Variants in PHLDB2 observed in about 807,000 individuals in gnomAD.
PHLDB2 encodes pleckstrin homology like domain family B member 2, also known as pleckstrin homology-like domain family B member 2.
A neutral mutation model predicts 123.6 loss-of-function variants in PHLDB2; 71 were observed. The ratio of observed to expected loss-of-function variants is 0.57; its 90% CI spans 0.47 to 0.70. The LOEUF (loss-of-function observed/expected upper bound fraction) is 0.70, where lower values mean the gene tolerates loss of function less well. Among genes scored for constraint, PHLDB2 ranks in the 30% least tolerant of loss-of-function variants. The pLI is 0.00. For missense variants in PHLDB2, 1,446 were observed against 1,519.5 expected (o/e 0.95, Z 0.80); for synonymous variants, 547 against 541.6 (o/e 1.01, Z -0.14).
intron 10 of PHLDB2, among the ~76,000 whole-genome samples, chr3:111,951,034 C>T (rs1009255863): frequency 6.6e-6 from 1 of 152,024 alleles, no homozygotes; most frequent in Non-Finnish European, 1.5e-5. Context: ...ATTGGGGTTT[C>T]TTTTCTATTT....
At chr3:111,839,940 CTTTTTTT>C (rs3082317) in intron 1 of PHLDB2, among the ~76,000 whole-genome samples, 3 of 64,940 alleles carry the variant, frequency 4.6e-5, no homozygotes, top group Admixed American at 2.7e-4. Flanking sequence ...CCCACCCCCG[CTTTTTTT>C]TTTTTTTTTT....
rs1365130102 is a variant in PHLDB2 at position 111,967,799 on chromosome 3, A to G, written c.3290A>G (p.Lys1097Arg). The change falls in exon 15 of 18, where the codon AAA becomes AGA. Residue 1097 changes from lysine (K) to arginine (R), a missense_variant. Lys to Arg is a conservative substitution (Grantham distance 26, BLOSUM62 2). Around this residue, in one of 3 missense-constraint regions of PHLDB2, gnomAD observed 594 missense variants for 646.0 expected, o/e 0.92. Coordinates refer to ENST00000431670, the MANE Select transcript of PHLDB2 (RefSeq NM_001134438.2). ...CAGAAGTTAATAGAAAAGGAAGTAAAAATAAGGGAGAGACAAAGGGCACAG... is the reference window on the plus strand; with the variant it reads ...CAGAAGTTAATAGAAAAGGAAGTAAGAATAAGGGAGAGACAAAGGGCACAG... ...QRQKLIEKEVKIRERQRAQAR... is the reference protein window; with the variant it reads ...QRQKLIEKEVRIRERQRAQAR... 3 of 1,611,238 alleles carry G rather than the reference A, an allele frequency of 1.9e-6. No homozygotes were observed. Among genetic ancestry groups the G allele is most frequent in the African/African-American group, 1.3e-5 (1 of 74,544 alleles).
chr3:111,961,596 A>G (rs1011822465), intron 12 of PHLDB2, among the ~76,000 whole-genome samples: 2 of 152,220 alleles, frequency 1.3e-5, no homozygotes, highest in Non-Finnish European at 2.9e-5. Context: ...TAACAAGATT[A>G]AAAGTGTCAG....
chr3:111,848,820 A>G (rs1056863620), intron 2 of PHLDB2, among the ~76,000 whole-genome samples: 1 of 152,220 alleles, frequency 6.6e-6, no homozygotes, highest in Non-Finnish European at 1.5e-5. Flanking sequence ...AATATTTACC[A>G]TTATATTACA....
At chr3:111,816,727 A>T (rs2108370580) in intron 1 of PHLDB2, among the ~76,000 whole-genome samples, 1 of 152,128 alleles carries the variant, frequency 6.6e-6, no homozygotes, top group Non-Finnish European at 1.5e-5. Flanking sequence ...ACTTTGGGGG[A>T]CTGTTGGGAA....
intron 2 of PHLDB2, among the ~76,000 whole-genome samples, chr3:111,846,866 A>C (rs1454178484): frequency 6.6e-6 from 1 of 152,196 alleles, no homozygotes; most frequent in Non-Finnish European, 1.5e-5. Context: ...AATAAAACAG[A>C]AACATTGCAA....
At position 111,884,370 on chromosome 3, in the gene PHLDB2, G is replaced by A. The variant is rs370080216; in HGVS notation, c.293G>A (p.Gly98Glu). The A allele has an allele frequency of 1.2e-5, 20 of 1,613,952 alleles. No individual in the cohort carries two copies. Among genetic ancestry groups the A allele is most frequent in the Non-Finnish European group, 1.7e-5 (20 of 1,180,010 alleles). ...IQGSKQFSYD[G>E]TDKNIPMKPP... ...GGAAGCAAGCAGTTCTCTTATGATG[G>A]AACTGACAAAAATATTCCTATGAAA... The change falls in exon 2 of 18, where the codon GGA (glycine) becomes GAA (glutamate). Residue 98 changes from glycine (G) to glutamate (E), a missense_variant. By Grantham distance (98) the Gly-to-Glu change is moderately conservative (BLOSUM62 -2). Around this residue, in one of 3 missense-constraint regions of PHLDB2, gnomAD observed 832 missense variants for 831.9 expected, o/e 1.00. Transcript: ENST00000431670.
chr3:111,862,042 A>G (rs911251641), intron 1 of PHLDB2, among the ~76,000 whole-genome samples: 5 of 152,236 alleles, frequency 3.3e-5, no homozygotes, highest in African/African-American at 7.2e-5. Flanking sequence ...GGATTTTGCC[A>G]TGTTGGTCAG....
intron 16 of PHLDB2, among the ~76,000 whole-genome samples, chr3:111,971,328 T>C (rs1486038209): frequency 1.3e-5 from 2 of 152,154 alleles, no homozygotes; most frequent in Non-Finnish European, 2.9e-5. Flanking sequence ...CTCTCATCTA[T>C]CGGCCAGGTG....
At chr3:111,749,551 G>T (rs575765185) in intron 1 of PHLDB2, among the ~76,000 whole-genome samples, 1 of 152,284 alleles carries the variant, frequency 6.6e-6, no homozygotes, top group African/African-American at 2.4e-5. Context: ...GAGGGTAGTG[G>T]TGTTAAATTT....
intron 1 of PHLDB2, among the ~76,000 whole-genome samples, chr3:111,862,548 C>T (rs1041553817): frequency 2.9e-4 from 44 of 152,148 alleles, no homozygotes; most frequent in Admixed American, 2.5e-3. Flanking sequence ...CTGCCATGCA[C>T]GGGACACAAA....
intron 1 of PHLDB2, among the ~76,000 whole-genome samples, chr3:111,808,926 T>A (rs1003843774): frequency 2.0e-5 from 3 of 152,198 alleles, no homozygotes; most frequent in Non-Finnish European, 1.5e-5. Flanking sequence ...AAACAATTCC[T>A]AAAATAAGGG....
At chr3:111,869,514 A>G (rs905289880) in intron 1 of PHLDB2, among the ~76,000 whole-genome samples, 6 of 152,240 alleles carry the variant, frequency 3.9e-5, no homozygotes, top group African/African-American at 1.4e-4. Context: ...GCAACTGTGT[A>G]ATCGGTGTCC....
At chr3:111,940,669 G>A in intron 8 of PHLDB2, 24 bp downstream of exon 8, 1 of 1,400,844 alleles carries the variant, frequency 7.1e-7, no homozygotes, top group Non-Finnish European at 9.8e-7. Flanking sequence ...TTTCAGCACT[G>A]GCTACAGTAA....
chr3:111,924,619 G>T (rs1180137243), intron 5 of PHLDB2, among the ~76,000 whole-genome samples: 1 of 152,224 alleles, frequency 6.6e-6, no homozygotes, highest in Non-Finnish European at 1.5e-5. Flanking sequence ...CTTAGGGATC[G>T]TGTTTCCTTT....
intron 1 of PHLDB2, among the ~76,000 whole-genome samples, chr3:111,862,543 A>T (rs747712577): frequency 2.0e-5 from 3 of 152,164 alleles, no homozygotes; most frequent in Non-Finnish European, 4.4e-5. Flanking sequence ...GCACCCTGCC[A>T]TGCACGGGAC....
intron 2 of PHLDB2, among the ~76,000 whole-genome samples, chr3:111,908,262 A>C (rs2067673877): frequency 6.6e-6 from 1 of 152,216 alleles, no homozygotes; most frequent in Non-Finnish European, 1.5e-5. Flanking sequence ...CTTTGGGCGA[A>C]GACAAATTAT....
chr3:111,822,295 A>ATGTGTGTGTGTGTGTGTGTGTG lies in PHLDB2; in HGVS notation c.-48-23524_-48-23503dup, dbSNP rs35687126. Among the ~76,000 whole-genome samples, 605 of 144,088 alleles carry ATGTGTGTGTGTGTGTGTGTGTG rather than the reference A, an allele frequency of 4.2e-3. 5 individuals carry two copies. Among genetic ancestry groups the ATGTGTGTGTGTGTGTGTGTGTG allele is most frequent in the African/African-American group, 8.0e-3 (303 of 37,658 alleles). The allele number at this position is 144,088 out of a possible 152,430, so 94.5% of individuals were successfully genotyped here. A position where few individuals can be genotyped will look rare whatever the true frequency, so the allele number is the denominator to read the frequency against. On this transcript the variant is annotated intron_variant, in intron 1 of 17. Coordinates refer to the PHLDB2 transcript ENST00000393923. ...TCTCTCTGTCTCTCTATCTTTATGT[A>ATGTGTGTGTGTGTGTGTGTGTG]TGTGTGTGTGTGTGTGTGTGTGTAT...
At chr3:111,944,292 A>G (rs2070132152) in intron 8 of PHLDB2, among the ~76,000 whole-genome samples, 1 of 152,176 alleles carries the variant, frequency 6.6e-6, no homozygotes, top group Non-Finnish European at 1.5e-5. Flanking sequence ...AATGCTCTTT[A>G]TCTTGTCTAG....
Sources: gnomAD v4.1 joint callset for allele counts (sites outside exome capture counted in the v4.1 genomes callset) on GRCh38, gnomAD v4.1.1 for gene constraint, gnomAD v4.1.1 regional missense constraint, MANE v1.5 for transcripts, NCBI Gene and HGNC (gene_info 2026-07-23, HGNC 2026-07-21) for gene names.